PIP5K1C: variants seen among roughly 807,000 people sequenced by gnomAD.
PIP5K1C encodes phosphatidylinositol 4-phosphate 5-kinase type-1 gamma.
PIP5K1C carries 45 observed loss-of-function variants against 80.1 expected under a neutral mutation model. That is an observed-to-expected ratio of 0.56 (90% CI 0.44 to 0.72). PIP5K1C has a LOEUF of 0.72. Ranked by LOEUF, PIP5K1C falls within the 30% of genes least tolerant of loss-of-function variation. The probability of loss-of-function intolerance (pLI) is 0.00; values close to 1 mark genes in which losing one functional copy is unlikely to be tolerated. For synonymous variants in PIP5K1C, 498 were observed against 420.1 expected, an observed-to-expected ratio of 1.19 and a Z score of -2.27; for missense variants, 753 against 954.6, an observed-to-expected ratio of 0.79 and a Z score of 2.78.
At chr19:3,679,421 C>T (rs573100077) in intron 1 of PIP5K1C, among the ~76,000 whole-genome samples, 5 of 152,332 alleles carry the variant, frequency 3.3e-5, no homozygotes, top group African/African-American at 9.6e-5. Context: ...CCAGGGAGAC[C>T]GTCCTCACAG....
rs773018385 is a variant in PIP5K1C, at chr19:3,633,449, G to A, written c.1992C>T (p.Gly664=). The A allele has an allele frequency of 2.1e-5, 31 of 1,499,252 alleles. No individual in the cohort carries two copies. In the East Asian group the frequency reaches 4.0e-4, roughly 19 times the overall value. 92.9% of individuals were successfully genotyped at this position (1,499,252 alleles called of 1,614,324 possible). The change falls in exon 17 of 18, where the codon GGC becomes GGT. Residue 664 remains glycine (G), a synonymous_variant. Transcript: ENST00000335312. The part of the protein sequence containing the change: ...YSAQAPPASD[G]ESDT ...GGGCTGCACTTACTGTGTCGCTCTC[G>A]CCGTCGGAGGCCGGGGGGGCCTGGG...
chr19:3,663,463 A>G (rs1352854378), intron 3 of PIP5K1C, among the ~76,000 whole-genome samples: 1 of 152,188 alleles, frequency 6.6e-6, no homozygotes. Flanking sequence ...GTGCCCAAAG[A>G]TAACATACAA....
At chr19:3,663,630 A>G (rs1177576720) in intron 3 of PIP5K1C, among the ~76,000 whole-genome samples, 2 of 152,322 alleles carry the variant, frequency 1.3e-5, no homozygotes, top group Non-Finnish European at 1.5e-5. Context: ...CCTGGGCAAC[A>G]TGGTGAAACC....
chr19:3,670,059 G>A (rs2145523104), intron 1 of PIP5K1C, among the ~76,000 whole-genome samples: 1 of 151,456 alleles, frequency 6.6e-6, no homozygotes, highest in Admixed American at 6.6e-5. Context: ...GCAGGCGGCA[G>A]GTGGGGAGGG....
rs776156330 is a variant in PIP5K1C at position 3,651,926 on chromosome 19, C to G, written c.1027G>C (p.Asp343His). 15 of 1,612,798 alleles carry G rather than the reference C, an allele frequency of 9.3e-6. No individual in the cohort carries two copies. Among genetic ancestry groups the G allele is most frequent in the African/African-American group, 1.3e-5 (1 of 74,956 alleles). ...RQAQGAQSTS[D>H]EKRPVGQKAL... ...TTCTGGCCCACAGGCCGCTTCTCATCTGAGGTGCTCTGGGCGCCCTGCGCC... is the reference window on the plus strand; with the variant it reads ...TTCTGGCCCACAGGCCGCTTCTCATGTGAGGTGCTCTGGGCGCCCTGCGCC... Residue 343 changes from aspartate (D) to histidine (H), a missense_variant, in exon 8 of 18, where the codon GAT (aspartate) becomes CAT (histidine). Asp to His is a moderately conservative substitution (Grantham distance 81). This residue lies in a region of PIP5K1C where 105 missense variants were observed against 133.4 expected (regional missense o/e 0.79). Coordinates refer to ENST00000335312, the MANE Select transcript of PIP5K1C (RefSeq NM_012398.3).
chr19:3,685,296 G>C lies in PIP5K1C; in HGVS notation c.94+15001C>G, dbSNP rs188101299. Among the ~76,000 whole-genome samples the C allele has an allele frequency of 3.3e-5, 5 of 152,274 alleles. No homozygotes were observed. In the East Asian group the frequency reaches 9.6e-4, roughly 29 times the overall value. On this transcript the variant is annotated intron_variant, in intron 1 of 17. Transcript: ENST00000335312. ...GCCCTTGGCAGCAACTTCAATTCTA[G>C]AACTTTCTCCTAGACAACTTCGGCA...
chr19:3,686,796 A>G (rs1398666244), intron 1 of PIP5K1C, among the ~76,000 whole-genome samples: 5 of 152,120 alleles, frequency 3.3e-5, no homozygotes, highest in African/African-American at 1.2e-4. Context: ...GTAATAGCTA[A>G]AACTATAAAA....
At chr19:3,654,305 T>A (rs1325242318) in intron 6 of PIP5K1C, among the ~76,000 whole-genome samples, 1 of 152,144 alleles carries the variant, frequency 6.6e-6, no homozygotes, top group African/African-American at 2.4e-5. Context: ...GGCACCCAAG[T>A]GAAGCAACAG....
intron 1 of PIP5K1C, among the ~76,000 whole-genome samples, chr19:3,680,364 G>A (rs1458458794): frequency 6.6e-6 from 1 of 152,142 alleles, no homozygotes; most frequent in Admixed American, 6.5e-5. Flanking sequence ...GAGTGCAACG[G>A]CACCATCCTG....
intron 1 of PIP5K1C, among the ~76,000 whole-genome samples, chr19:3,675,306 G>A (rs1371515819): frequency 2.0e-5 from 3 of 152,154 alleles, no homozygotes; most frequent in Non-Finnish European, 2.9e-5. Context: ...CAAAAGCATT[G>A]CCCAGTGACA....
chr19:3,689,192 TA>T (rs2035869295), intron 1 of PIP5K1C, among the ~76,000 whole-genome samples: 4 of 151,898 alleles, frequency 2.6e-5, no homozygotes, highest in Non-Finnish European at 5.9e-5. Context: ...CACCCAGCCC[TA>T]AAATAACACG....
chr19:3,648,693 G>T lies in PIP5K1C; in HGVS notation c.1143C>A (p.Pro381=). 5 of 1,612,956 alleles carry T rather than the reference G, an allele frequency of 3.1e-6. No homozygotes were observed. Among genetic ancestry groups the T allele is most frequent in the Non-Finnish European group, 4.2e-6 (5 of 1,179,850 alleles). The change falls in exon 9 of 18, where the codon CCC becomes CCA. Residue 381 remains proline (P), a synonymous_variant. Transcript: ENST00000335312. This position sits in a 1 kb window ranked among gnomAD's most constrained non-coding sequence, Gnocchi z 4.3. Reference sequence around the variant, plus strand: ...GCCGCTCCCCGCGGCCGTTCACAGCGGGGATCCCGCCCATCCTGGGGAGAG... The same window carrying T: ...GCCGCTCCCCGCGGCCGTTCACAGCTGGGATCCCGCCCATCCTGGGGAGAG... ...IESDDTMGGI[P]AVNGRGERLL...
chr19:3,683,856 G>GCTTCCC (rs1267907365), intron 1 of PIP5K1C, among the ~76,000 whole-genome samples: 2 of 148,838 alleles, frequency 1.3e-5, no homozygotes, highest in Non-Finnish European at 3.0e-5. Context: ...GCCAGCCCCC[G>GCTTCCC]CTTCCCCTCC....
In PIP5K1C at chr19:3,643,034, T is replaced by TGGCAGCCCTGCCCACC; in HGVS notation, c.1650-111_1650-96dup. ...CCTACCCGCCTGCCTACCTGCCCCCTGGCAGCCCTGCCCACCTGTACATAT... is the reference window on the plus strand; with the variant it reads ...CCTACCCGCCTGCCTACCTGCCCCCTGGCAGCCCTGCCCACCGGCAGCCCTGCCCACCTGTACATAT... On this transcript the variant is annotated intron_variant, in intron 13 of 17. Transcript: ENST00000335312. The TGGCAGCCCTGCCCACC allele has an allele frequency of 2.0e-6, 3 of 1,509,864 alleles. 1 individual carries two copies. The South Asian group carries it at 3.4e-5, about 17-fold the overall frequency. The allele number at this position is 1,509,864 out of a possible 1,614,324, so 93.5% of individuals were successfully genotyped here.
intron 1 of PIP5K1C, among the ~76,000 whole-genome samples, chr19:3,674,959 T>C (rs1177239529): frequency 6.6e-6 from 1 of 152,184 alleles, no homozygotes; most frequent in African/African-American, 2.4e-5. Context: ...CGGATGCACC[T>C]TGAAGACGTC....
intron 5 of PIP5K1C, among the ~76,000 whole-genome samples, chr19:3,658,740 T>C (rs555167185): frequency 6.6e-6 from 1 of 152,116 alleles, no homozygotes; most frequent in African/African-American, 2.4e-5. Flanking sequence ...CGGAAAACAC[T>C]GTGGAAAGGG....
At position 3,700,348 on chromosome 19, in the gene PIP5K1C, C is replaced by A; in HGVS notation, c.43G>T (p.Gly15Trp). The change falls in exon 1 of 18, where the codon GGG (glycine) becomes TGG (tryptophan). Residue 15 changes from glycine (G) to tryptophan (W), a missense_variant. By Grantham distance (184) the Gly-to-Trp change is radical. This residue lies in a region of PIP5K1C where 78 missense variants were observed against 67.1 expected (regional missense o/e 1.16). Transcript: ENST00000335312. Reference protein sequence around the residue: ...VPDEAESAEAGAVPSEAAWAA... With the variant: ...VPDEAESAEAWAVPSEAAWAA... The stretch of plus-strand genomic sequence containing the variant: ...CACGCCGCCTCCGAGGGCACGGCCC[C>A]CGCCTCAGCGCTCTCCGCCTCGTCC... 7.7e-7 allele frequency: 1 copy of A among 1,294,642 alleles called. No individual in the cohort carries two copies. Among genetic ancestry groups the A allele is most frequent in the Non-Finnish European group, 1.0e-6 (1 of 1,004,608 alleles). 80.2% of individuals were successfully genotyped at this position (1,294,642 alleles called of 1,614,324 possible).
At chr19:3,668,789 C>T (rs2035105160) in intron 1 of PIP5K1C, among the ~76,000 whole-genome samples, 1 of 152,154 alleles carries the variant, frequency 6.6e-6, no homozygotes, top group Admixed American at 6.5e-5. Flanking sequence ...GGGGGGCTTC[C>T]CTGGGCTGGT....
In PIP5K1C at chr19:3,637,999, A is replaced by T; in HGVS notation, c.1920+885T>A. On this transcript the variant is annotated intron_variant, in intron 16 of 17. Transcript: ENST00000335312. The surrounding 1 kb of genome is among the most constrained non-coding windows in gnomAD (Gnocchi z 7.0). The stretch of plus-strand genomic sequence containing the variant: ...CCAGGTGGGTGCATGGGGACCCCAG[A>T]GGCGCCACTGGAGACAGAGCAGGGG... 1 of 1,520,810 alleles carries T rather than the reference A, an allele frequency of 6.6e-7. No individual in the cohort carries two copies. Among genetic ancestry groups the T allele is most frequent in the Non-Finnish European group, 8.8e-7 (1 of 1,139,508 alleles). The allele number at this position is 1,520,810 out of a possible 1,614,324, so 94.2% of individuals were successfully genotyped here. A position where few individuals can be genotyped will look rare whatever the true frequency, so the allele number is the denominator to read the frequency against.
Sources: allele counts gnomAD v4.1 joint callset (sites outside exome capture counted in the v4.1 genomes callset), GRCh38; gene constraint gnomAD v4.1.1; regional missense constraint gnomAD v4.1.1; non-coding constraint Gnocchi (gnomAD v3.1); transcripts MANE v1.5; gene names NCBI Gene and HGNC (gene_info 2026-07-23, HGNC 2026-07-21).